The following CFAP92 variants were observed in gnomAD, a reference collection of about 807,000 sequenced individuals.
CFAP92 encodes cilia and flagella associated protein 92 (putative), also known as uncharacterized protein CFAP92.
A neutral mutation model predicts 106.3 loss-of-function variants in CFAP92; 86 were observed. The observed-to-expected ratio is 0.81, with a 90% CI of 0.68 to 0.97. The LOEUF (loss-of-function observed/expected upper bound fraction) is 0.97, where lower values mean the gene tolerates loss of function less well. CFAP92 is among the 50% of genes least tolerant of loss of function. The pLI is 0.00. For missense variants in CFAP92, 1,204 were observed against 1,283.8 expected, an observed-to-expected ratio of 0.94 and a Z score of 0.95; for synonymous variants, 477 against 506.4, an observed-to-expected ratio of 0.94 and a Z score of 0.78.
chr3:128,930,373 G>A (rs1002705970), intron 12 of CFAP92, among the ~76,000 whole-genome samples: 5 of 151,854 alleles, frequency 3.3e-5, no homozygotes, highest in Admixed American at 6.6e-5. Flanking sequence ...GGATGGTCTC[G>A]ATCTCCTGAT....
Position 128,916,038 on chromosome 3 carries a change from G to A in CFAP92, c.2916+69C>T, listed in dbSNP as rs1023089591. ...AGTTGAGATCCCCCACTGACCTCCA[G>A]GCAGGCATGGTCAGAATAAAGAACT... is the stretch of plus-strand genomic sequence containing the variant. On this transcript the variant is annotated intron_variant, in intron 13 of 15. Coordinates refer to ENST00000645291, the MANE Select transcript of CFAP92 (RefSeq NM_001394090.1). The A allele has an allele frequency of 1.5e-5, 17 of 1,132,766 alleles. No homozygotes were observed. The African/African-American group carries it at 2.4e-4, about 16-fold the overall frequency. 70.2% of individuals were successfully genotyped at this position (1,132,766 alleles called of 1,614,324 possible).
chr3:128,983,952 C>A (rs1943686163), intron 4 of CFAP92, among the ~76,000 whole-genome samples: 1 of 152,136 alleles, frequency 6.6e-6, no homozygotes, highest in Non-Finnish European at 1.5e-5. Flanking sequence ...AAAGGCCAGG[C>A]CGGCAGGAGA....
chr3:128,925,557 T>C (rs946753630), intron 12 of CFAP92, among the ~76,000 whole-genome samples: 12 of 152,064 alleles, frequency 7.9e-5, no homozygotes, highest in Non-Finnish European at 1.5e-4. Flanking sequence ...GTATAAGTAA[T>C]ATCAGATGCA....
chr3:128,921,981 G>T (rs1445636939), intron 12 of CFAP92, among the ~76,000 whole-genome samples: 1 of 152,070 alleles, frequency 6.6e-6, no homozygotes, highest in Non-Finnish European at 1.5e-5. Context: ...TACTTGGAAG[G>T]TCTAGTTTAA....
In CFAP92 at chr3:128,915,282, TG is replaced by T. The variant is rs1233792990; in HGVS notation, c.3124-8del. The T allele has an allele frequency of 6.5e-7, 1 of 1,536,012 alleles. No homozygotes were observed. The highest frequency in any genetic ancestry group is 2.0e-5 in the Admixed American group (1 of 51,004). On this transcript the variant is annotated splice_region_variant and splice_polypyrimidine_tract_variant and intron_variant, in intron 14 of 15. Transcript: ENST00000645291. Reference sequence around the variant, plus strand: ...GGGAGTTTTCCTTCCACTCCTAAATTGGGGGAGTAAGTAAATCAGGAGGAGA... The same window carrying T: ...GGGAGTTTTCCTTCCACTCCTAAATTGGGGAGTAAGTAAATCAGGAGGAGA...
chr3:128,992,997 C>T (rs1025229580), intron 2 of CFAP92, 46 bp downstream of exon 2: 1 of 1,605,700 alleles, frequency 6.2e-7, no homozygotes, highest in Non-Finnish European at 8.5e-7. Flanking sequence ...GAAAGTCATG[C>T]ACCTCCTTTT....
chr3:129,018,874 C>CAAA, the CFAP92 span, among the ~76,000 whole-genome samples: 1 of 152,226 alleles, frequency 6.6e-6, no homozygotes, highest in African/African-American at 2.4e-5. Context: ...CCACTCGGCG[C>CAAA]TGGAGTTCCC....
chr3:129,012,843 GC>G, the CFAP92 span, among the ~76,000 whole-genome samples: 1 of 152,236 alleles, frequency 6.6e-6, no homozygotes, highest in African/African-American at 2.4e-5. Flanking sequence ...CTACAGCTCA[GC>G]ACCAGGCACA....
Position 129,001,737 on chromosome 3 carries a change from C to T in CFAP92, n.117+837G>A, listed in dbSNP as rs368676820. 295 of 1,532,166 alleles carry T rather than the reference C, an allele frequency of 1.9e-4. 2 individuals carry two copies. The South Asian group carries it at 3.5e-3, about 18-fold the overall frequency. The allele number at this position is 1,532,166 out of a possible 1,614,324, so 94.9% of individuals were successfully genotyped here. The stretch of plus-strand genomic sequence containing the variant: ...GTGGCTGCTGAGCGCCCTGGCGCAC[C>T]ACTACGGGCTGGACCGCGGCGTGGA... On this transcript the variant is annotated intron_variant and non_coding_transcript_variant, in intron 1 of 4. Transcript: ENST00000510149.
chr3:128,967,737 A>C (rs1166063213), intron 8 of CFAP92: 1 of 151,958 alleles, frequency 6.6e-6, no homozygotes, highest in African/African-American at 2.4e-5. Flanking sequence ...GGTAGAAGGA[A>C]TCCCCATTGC....
chr3:128,970,588 G>A (rs1303214633), intron 8 of CFAP92: 1 of 152,164 alleles, frequency 6.6e-6, no homozygotes, highest in Non-Finnish European at 1.5e-5. Context: ...AATATATGCT[G>A]AGCTTTCAAT....
At chr3:128,977,950 C>A in intron 5 of CFAP92, 95 bp downstream of exon 5, 3 of 1,502,146 alleles carry the variant, frequency 2.0e-6, no homozygotes, top group Non-Finnish European at 2.7e-6. Flanking sequence ...ACAGGAGGGA[C>A]GCCCATGCAG....
chr3:128,922,619 TCAATGGCCCCAA>T (rs1937388072), intron 12 of CFAP92, among the ~76,000 whole-genome samples: 1 of 152,194 alleles, frequency 6.6e-6, no homozygotes, highest in African/African-American at 2.4e-5. Flanking sequence ...TTGCTTTAAA[TCAATGGCCCCAA>T]CACTGGCCCA....
In CFAP92 at chr3:128,992,405, TA is replaced by T. The variant is rs559369214; in HGVS notation, c.262+637del. On this transcript the variant is annotated intron_variant, in intron 2 of 15. Transcript: ENST00000645291. The stretch of plus-strand genomic sequence containing the variant: ...GGTGAAACCCAGTCTCTACTAAAAA[TA>T]CAAAAATTAGATGGGTGTGGTGGCG... Among the ~76,000 whole-genome samples the T allele has an allele frequency of 2.0e-5, 3 of 151,840 alleles. No individual in the cohort carries two copies. The South Asian group carries it at 6.3e-4, about 32-fold the overall frequency.
At chr3:128,916,396 T>C (rs775965688) in intron 12 of CFAP92, 125 bp from the exon 13 acceptor site, 37 of 590,846 alleles carry the variant, frequency 6.3e-5, no homozygotes, top group Non-Finnish European at 8.7e-5. Context: ...TCTTCAATAC[T>C]GGTGCTGTTA....
At chr3:129,002,283 G>C (rs1459067629) in intron 1 of CFAP92, 7 of 1,528,940 alleles carry the variant, frequency 4.6e-6, no homozygotes, top group Admixed American at 2.0e-5. Context: ...GGACCTGCGC[G>C]CCGCGCTGCA....
chr3:128,956,241 A>C (rs1249425952), intron 9 of CFAP92, among the ~76,000 whole-genome samples: 1 of 148,594 alleles, frequency 6.7e-6, no homozygotes, highest in Admixed American at 6.7e-5. Flanking sequence ...AAATAGAAAG[A>C]AAAAAAGAAA....
chr3:129,026,598 G>A, the CFAP92 span, among the ~76,000 whole-genome samples: 1 of 152,090 alleles, frequency 6.6e-6, no homozygotes, highest in Non-Finnish European at 1.5e-5. Flanking sequence ...TCCCATCTTT[G>A]CTGTCTCACC....
Position 129,002,604 on chromosome 3 carries a change from G to T in CFAP92, n.87C>A, listed in dbSNP as rs944416921. On this transcript the variant is annotated non_coding_transcript_exon_variant, in exon 1 of 5. Coordinates refer to the CFAP92 transcript ENST00000510149. ...TTTTCTGCTCCACCGCCACATCATC[G>T]CGTCTTGCCCCTTTAACCTAGGAAT... 4 of 510,894 alleles carry T rather than the reference G, an allele frequency of 7.8e-6. No individual in the cohort carries two copies. In the African/African-American group the frequency reaches 8.1e-5, roughly 10 times the overall value. The allele number at this position is 510,894 out of a possible 1,614,324, so 31.6% of individuals were successfully genotyped here. A position where few individuals can be genotyped will look rare whatever the true frequency, so the allele number is the denominator to read the frequency against.
Sources: gnomAD v4.1 joint callset for allele counts (sites outside exome capture counted in the v4.1 genomes callset) on GRCh38, gnomAD v4.1.1 for gene constraint, MANE v1.5 for transcripts, NCBI Gene and HGNC (gene_info 2026-07-23, HGNC 2026-07-21) for gene names.